RFX3: variants seen among roughly 807,000 people sequenced by gnomAD.
RFX3 encodes the protein regulatory factor X3.
A neutral mutation model predicts 98.6 loss-of-function variants in RFX3; 14 were observed. That is an observed-to-expected ratio of 0.14 (90% CI 0.09 to 0.22). The LOEUF is 0.22. Ranked by LOEUF, RFX3 falls within the 10% of genes least tolerant of loss-of-function variation. The pLI, the probability that RFX3 is intolerant of heterozygous loss-of-function variation, is 1.00. For synonymous variants in RFX3, 383 were observed against 328.4 expected (o/e 1.17, Z -1.80); for missense variants, 639 against 926.9 (o/e 0.69, Z 4.03).
chr9:3,270,284 ATTCTAGATTGCAATGTCACTTCTCAAAAC>A, intron 11 of RFX3, 58 bp downstream of exon 11: 1 of 1,316,610 alleles, frequency 7.6e-7, no homozygotes, highest in Non-Finnish European at 1.0e-6. Context: ...AATTAGAATC[ATTCTAGATTGCAATGTCACTTCTCAAAAC>A]TTCCTGGGTG....
At chr9:3,341,944 A>G (rs1471603624) in intron 3 of RFX3, among the ~76,000 whole-genome samples, 2 of 152,192 alleles carry the variant, frequency 1.3e-5, no homozygotes, top group African/African-American at 2.4e-5. Context: ...AGAAAGCATA[A>G]TTTCACCTGC....
chr9:3,368,566 G>A (rs891905811), intron 2 of RFX3, among the ~76,000 whole-genome samples: 1 of 152,186 alleles, frequency 6.6e-6, no homozygotes, highest in Non-Finnish European at 1.5e-5. Context: ...CAATAAGATA[G>A]ACAGGGATAT....
chr9:3,446,290 T>A (rs1846043417), intron 1 of RFX3, among the ~76,000 whole-genome samples: 1 of 152,148 alleles, frequency 6.6e-6, no homozygotes, highest in Admixed American at 6.5e-5. Context: ...TTAATTTATA[T>A]TATTTCATCC....
chr9:3,409,959 A>T (rs761721513), intron 1 of RFX3, among the ~76,000 whole-genome samples: 1 of 152,136 alleles, frequency 6.6e-6, no homozygotes, highest in Non-Finnish European at 1.5e-5. Context: ...TATGGTTAAT[A>T]GGAGAAGAAA....
intron 14 of RFX3, among the ~76,000 whole-genome samples, chr9:3,253,698 G>A (rs1821731570): frequency 6.6e-6 from 1 of 152,084 alleles, no homozygotes; most frequent in Admixed American, 6.6e-5. Flanking sequence ...ATATTTCCAT[G>A]CATGTAAATA....
At chr9:3,387,567 T>C (rs1839855114) in intron 2 of RFX3, among the ~76,000 whole-genome samples, 1 of 152,026 alleles carries the variant, frequency 6.6e-6, no homozygotes. Context: ...TTATACTGGA[T>C]ACCAATATTT....
At chr9:3,462,747 G>A (rs556418142) in intron 1 of RFX3, among the ~76,000 whole-genome samples, 1 of 151,988 alleles carries the variant, frequency 6.6e-6, no homozygotes, top group Non-Finnish European at 1.5e-5. Flanking sequence ...TTCAATACTA[G>A]TCATATTGTA....
At chr9:3,379,967 G>A (rs1287111689) in intron 2 of RFX3, among the ~76,000 whole-genome samples, 1 of 150,980 alleles carries the variant, frequency 6.6e-6, no homozygotes, top group Non-Finnish European at 1.5e-5. Context: ...TGCTCTTGTT[G>A]CCAGGCTGGA....
At chr9:3,394,461 C>CA (rs1251248396) in intron 2 of RFX3, among the ~76,000 whole-genome samples, 4 of 152,078 alleles carry the variant, frequency 2.6e-5, no homozygotes, top group African/African-American at 7.2e-5. Flanking sequence ...ACTCCCGTCT[C>CA]AAAAAACAAA....
At chr9:3,441,516 G>C (rs913532127) in intron 1 of RFX3, among the ~76,000 whole-genome samples, 1 of 152,022 alleles carries the variant, frequency 6.6e-6, no homozygotes, top group Admixed American at 6.6e-5. Context: ...CTGGGGCATA[G>C]AAAATAAAAG....
intron 2 of RFX3, among the ~76,000 whole-genome samples, chr9:3,389,264 A>T (rs942476934): frequency 6.6e-6 from 1 of 152,166 alleles, no homozygotes; most frequent in African/African-American, 2.4e-5. Context: ...AGGTTGAGGC[A>T]TAAAATGAAA....
intron 1 of RFX3, among the ~76,000 whole-genome samples, chr9:3,503,500 A>C (rs1441532537): frequency 2.6e-5 from 4 of 152,158 alleles, no homozygotes; most frequent in African/African-American, 9.7e-5. Context: ...GATGACAGGC[A>C]CATAATGCTG....
chr9:3,459,903 T>C (rs1374741033), intron 1 of RFX3, among the ~76,000 whole-genome samples: 1 of 152,096 alleles, frequency 6.6e-6, no homozygotes, highest in Non-Finnish European at 1.5e-5. Flanking sequence ...AGGTTATCTA[T>C]GTTATCCATG....
At chr9:3,307,214 T>G (rs923466848) in intron 4 of RFX3, among the ~76,000 whole-genome samples, 4 of 152,112 alleles carry the variant, frequency 2.6e-5, no homozygotes, top group African/African-American at 9.7e-5. Flanking sequence ...GTCTCGTGTA[T>G]GTCTTTTTCA....
intron 5 of RFX3, among the ~76,000 whole-genome samples, chr9:3,295,621 A>T (rs1184589726): frequency 6.6e-6 from 1 of 152,170 alleles, no homozygotes. Context: ...AGCATGGAAC[A>T]CACAATATGT....
intron 14 of RFX3, among the ~76,000 whole-genome samples, chr9:3,251,832 CCTTT>C (rs780909553): frequency 2.0e-5 from 3 of 151,658 alleles, no homozygotes; most frequent in African/African-American, 7.3e-5. Flanking sequence ...AAATTTTAGG[CCTTT>C]CTATTTCTCT....
chr9:3,387,301 A>G (rs1330767779), intron 2 of RFX3, among the ~76,000 whole-genome samples: 1 of 152,184 alleles, frequency 6.6e-6, no homozygotes, highest in South Asian at 2.1e-4. Context: ...AGCATTTAAC[A>G]TAGTGCCTGG....
intron 1 of RFX3, among the ~76,000 whole-genome samples, chr9:3,451,830 A>G (rs1309469092): frequency 6.6e-6 from 1 of 151,802 alleles, no homozygotes; most frequent in Non-Finnish European, 1.5e-5. Flanking sequence ...ATGTATTTTA[A>G]AAGTTTTTTT....
rs748045110 is a variant in RFX3, at chr9:3,330,529, G to C, written c.216-12C>G. 7 of 1,577,104 alleles carry C rather than the reference G, an allele frequency of 4.4e-6. No homozygotes were observed. The highest frequency in any genetic ancestry group is 6.0e-6 in the Non-Finnish European group (7 of 1,160,274). On this transcript the variant is annotated splice_polypyrimidine_tract_variant and intron_variant, in intron 3 of 16. Coordinates refer to ENST00000617270, the MANE Select transcript of RFX3 (RefSeq NM_001282116.2). ...ACGTTGTTGTTCGGCTTTAGAAGAAGAAGAAAAAAGAAATTTACTAGCTTA... is the reference window on the plus strand; with the variant it reads ...ACGTTGTTGTTCGGCTTTAGAAGAACAAGAAAAAAGAAATTTACTAGCTTA...
Sources: allele counts gnomAD v4.1 joint callset (sites outside exome capture counted in the v4.1 genomes callset), GRCh38; gene constraint gnomAD v4.1.1; transcripts MANE v1.5; gene names NCBI Gene and HGNC (gene_info 2026-07-23, HGNC 2026-07-21).